Variants in FSTL5 observed in about 807,000 individuals in gnomAD.
FSTL5 encodes the protein follistatin like 5.
In FSTL5, 62 loss-of-function variants were observed where a neutral mutation model predicts 89.1. The ratio of observed to expected loss-of-function variants is 0.70; its 90% CI spans 0.57 to 0.86. The LOEUF is 0.86. Ranked by LOEUF, FSTL5 falls within the 40% of genes least tolerant of loss-of-function variation. The probability of loss-of-function intolerance (pLI) is 0.00; values close to 1 mark genes in which losing one functional copy is unlikely to be tolerated. For missense variants in FSTL5, 1,057 were observed against 1,001.6 expected (o/e 1.06, Z -0.75); for synonymous variants, 383 against 346.2 (o/e 1.11, Z -1.18).
intron 2 of FSTL5, among the ~76,000 whole-genome samples, chr4:162,046,034 G>T (rs563570742): frequency 6.6e-6 from 1 of 152,188 alleles, no homozygotes; most frequent in South Asian, 2.1e-4. Context: ...TTTGTCTGCA[G>T]AAATTTTAAA....
intron 3 of FSTL5, among the ~76,000 whole-genome samples, chr4:162,012,554 A>T (rs1367959056): frequency 1.3e-5 from 2 of 152,180 alleles, no homozygotes; most frequent in Non-Finnish European, 2.9e-5. Flanking sequence ...ATCTATGGAA[A>T]AATTTTAAGT....
At chr4:161,736,168 T>C (rs1426316809) in intron 6 of FSTL5, among the ~76,000 whole-genome samples, 2 of 152,142 alleles carry the variant, frequency 1.3e-5, no homozygotes, top group Non-Finnish European at 2.9e-5. Flanking sequence ...CATTTGTAAC[T>C]GCACATTTGA....
chr4:161,480,993 T>G, intron 13 of FSTL5, 27 bp downstream of exon 13: 1 of 1,517,286 alleles, frequency 6.6e-7, no homozygotes, highest in Non-Finnish European at 9.0e-7. Flanking sequence ...AAAGATTTAC[T>G]TTTTAAAAAG....
chr4:162,082,717 G>A (rs1444903843), intron 2 of FSTL5, among the ~76,000 whole-genome samples: 1 of 151,216 alleles, frequency 6.6e-6, no homozygotes, highest in Admixed American at 6.6e-5. Flanking sequence ...AAACTCTCAG[G>A]TCACAGTATA....
At chr4:161,710,436 C>T (rs879164725) in intron 6 of FSTL5, among the ~76,000 whole-genome samples, 1 of 152,064 alleles carries the variant, frequency 6.6e-6, no homozygotes, top group Non-Finnish European at 1.5e-5. Context: ...CAGGTCAGGA[C>T]GAGATCTGGT....
intron 4 of FSTL5, among the ~76,000 whole-genome samples, chr4:161,794,891 A>C (rs1448559059): frequency 6.6e-6 from 1 of 152,154 alleles, no homozygotes; most frequent in African/African-American, 2.4e-5. Flanking sequence ...ATCTATTTAT[A>C]TTATTATACT....
intron 6 of FSTL5, among the ~76,000 whole-genome samples, chr4:161,661,848 A>T (rs1413302285): frequency 6.6e-6 from 1 of 152,322 alleles, no homozygotes; most frequent in African/African-American, 2.4e-5. Flanking sequence ...CAGAAGTGAC[A>T]CCACAGCAAA....
At chr4:161,591,039 G>T (rs1733802286) in intron 7 of FSTL5, among the ~76,000 whole-genome samples, 1 of 152,246 alleles carries the variant, frequency 6.6e-6, no homozygotes, top group African/African-American at 2.4e-5. Flanking sequence ...GTCTATCAAT[G>T]GATGAATGGA....
intron 2 of FSTL5, among the ~76,000 whole-genome samples, chr4:162,062,128 A>G (rs1738737063): frequency 6.6e-6 from 1 of 151,926 alleles, no homozygotes; most frequent in East Asian, 1.9e-4. Flanking sequence ...ATATTATATG[A>G]CAATAATTTA....
intron 10 of FSTL5, among the ~76,000 whole-genome samples, chr4:161,521,882 AG>A (rs1422717183): frequency 6.6e-6 from 1 of 150,780 alleles, no homozygotes; most frequent in East Asian, 1.9e-4. Context: ...AAAGAAAAAA[AG>A]GTTATGAATT....
chr4:161,835,200 G>T (rs1484118601), intron 4 of FSTL5, among the ~76,000 whole-genome samples: 2 of 151,576 alleles, frequency 1.3e-5, no homozygotes. Flanking sequence ...CAAGAAATGG[G>T]GAAAGGATTC....
chr4:162,028,155 G>C (rs1486765689), intron 3 of FSTL5, among the ~76,000 whole-genome samples: 1 of 152,084 alleles, frequency 6.6e-6, no homozygotes, highest in African/African-American at 2.4e-5. Context: ...TCGTCTTCTA[G>C]GTACTTGAGG....
intron 8 of FSTL5, among the ~76,000 whole-genome samples, chr4:161,580,668 G>T (rs954499360): frequency 3.3e-5 from 5 of 152,086 alleles, no homozygotes; most frequent in Admixed American, 2.6e-4. Flanking sequence ...ACTGATTTGT[G>T]TCCCTCATTG....
At chr4:161,777,402 A>G (rs763899771) in intron 4 of FSTL5, among the ~76,000 whole-genome samples, 1 of 152,002 alleles carries the variant, frequency 6.6e-6, no homozygotes, top group Non-Finnish European at 1.5e-5. Flanking sequence ...TCTTTTGAGT[A>G]TATATCCAGC....
chr4:161,641,074 G>A (rs1396592120), intron 7 of FSTL5, among the ~76,000 whole-genome samples: 1 of 152,156 alleles, frequency 6.6e-6, no homozygotes, highest in Non-Finnish European at 1.5e-5. Flanking sequence ...AAATAAGGGA[G>A]AATTAAGACA....
intron 13 of FSTL5, among the ~76,000 whole-genome samples, chr4:161,476,436 C>A (rs1453552004): frequency 6.6e-6 from 1 of 152,062 alleles, no homozygotes; most frequent in African/African-American, 2.4e-5. Flanking sequence ...ACCCACCCAC[C>A]TTGGCCTCCC....
intron 3 of FSTL5, among the ~76,000 whole-genome samples, chr4:162,007,602 C>A (rs1245686842): frequency 6.6e-6 from 1 of 151,200 alleles, no homozygotes; most frequent in Non-Finnish European, 1.5e-5. Context: ...ACCTGGAACA[C>A]AATATTTCAT....
intron 3 of FSTL5, among the ~76,000 whole-genome samples, chr4:162,014,008 G>T (rs893685372): frequency 1.3e-5 from 2 of 152,228 alleles, no homozygotes; most frequent in Non-Finnish European, 2.9e-5. Flanking sequence ...CACATCACTC[G>T]CAGAGCCTTC....
Position 161,450,834 on chromosome 4 carries a change from C to G in FSTL5, c.1841+4170G>C, listed in dbSNP as rs144950040. On this transcript the variant is annotated intron_variant, in intron 15 of 15. Coordinates refer to ENST00000306100, the MANE Select transcript of FSTL5 (RefSeq NM_020116.5). ...CTCGGCTTACTGCAAGATCCACCCT[C>G]CCAGGTTCATGGCATTCTCCTGCCT... is the stretch of plus-strand genomic sequence containing the variant. 6.2e-3 allele frequency among the ~76,000 whole-genome samples: 940 copies of G among 151,486 alleles called. 3 individuals are homozygous for G. Among genetic ancestry groups the G allele is most frequent in the Non-Finnish European group, 0.01 (684 of 67,938 alleles).
Sources: allele counts gnomAD v4.1 joint callset (sites outside exome capture counted in the v4.1 genomes callset), GRCh38; gene constraint gnomAD v4.1.1; transcripts MANE v1.5; gene names NCBI Gene and HGNC (gene_info 2026-07-23, HGNC 2026-07-21).